The following ZNF385B variants were observed in gnomAD, a reference collection of about 807,000 sequenced individuals.
ZNF385B encodes zinc finger protein 533.
A neutral mutation model predicts 39.2 loss-of-function variants in ZNF385B; 23 were observed. The observed-to-expected ratio is 0.59, with a 90% CI of 0.42 to 0.83. The LOEUF is 0.83. ZNF385B is among the 40% of genes least tolerant of loss of function. The pLI is 0.00. For synonymous variants in ZNF385B, 205 were observed against 222.6 expected, an observed-to-expected ratio of 0.92 and a Z score of 0.70; for missense variants, 552 against 598.9, an observed-to-expected ratio of 0.92 and a Z score of 0.82.
At chr2:179,845,976 A>G (rs1708778906) in intron 1 of ZNF385B, among the ~76,000 whole-genome samples, 1 of 152,212 alleles carries the variant, frequency 6.6e-6, no homozygotes, top group Non-Finnish European at 1.5e-5. Flanking sequence ...GGGACGTTTC[A>G]GAGATTCTCT....
intron 3 of ZNF385B, among the ~76,000 whole-genome samples, chr2:179,735,036 C>G (rs886461363): frequency 1.3e-5 from 2 of 151,822 alleles, no homozygotes; most frequent in Admixed American, 6.6e-5. Context: ...CAAATGGGAT[C>G]TAATTAAACT....
intron 1 of ZNF385B, among the ~76,000 whole-genome samples, chr2:179,788,443 T>C (rs994529631): frequency 6.6e-6 from 1 of 152,070 alleles, no homozygotes; most frequent in Admixed American, 6.6e-5. Flanking sequence ...AAGAGTAACA[T>C]GAGAAGAAAA....
chr2:179,639,972 T>C (rs1180106371), intron 3 of ZNF385B, among the ~76,000 whole-genome samples: 1 of 152,220 alleles, frequency 6.6e-6, no homozygotes, highest in Non-Finnish European at 1.5e-5. Context: ...CCTGTGCAGA[T>C]AGCCTGCCAA....
At chr2:179,780,494 C>A (rs1364687209) in intron 1 of ZNF385B, among the ~76,000 whole-genome samples, 3 of 152,172 alleles carry the variant, frequency 2.0e-5, no homozygotes, top group African/African-American at 7.2e-5. Context: ...CACACTGCCT[C>A]TCTGCTTCCT....
chr2:179,780,323 A>G (rs962796219), intron 1 of ZNF385B, among the ~76,000 whole-genome samples: 3 of 152,138 alleles, frequency 2.0e-5, no homozygotes, highest in Non-Finnish European at 2.9e-5. Flanking sequence ...CAGATCATAG[A>G]TGCTTCCCTC....
chr2:179,838,961 G>C (rs1179411072), intron 1 of ZNF385B, among the ~76,000 whole-genome samples: 3 of 149,972 alleles, frequency 2.0e-5, no homozygotes, highest in Non-Finnish European at 4.4e-5. Flanking sequence ...CCTTGCAAAA[G>C]TGTGGTCCTT....
intron 2 of ZNF385B, 106 bp from the exon 3 acceptor site, chr2:179,769,908 G>T: frequency 9.1e-7 from 1 of 1,102,502 alleles, no homozygotes; most frequent in Non-Finnish European, 1.3e-6. Context: ...AAGTTGCCCA[G>T]CTACCCAGTG....
At chr2:179,761,730 C>G (rs1246788559) in intron 3 of ZNF385B, among the ~76,000 whole-genome samples, 1 of 149,968 alleles carries the variant, frequency 6.7e-6, no homozygotes, top group East Asian at 2.0e-4. Flanking sequence ...AGGTGTGCAC[C>G]ACCATGCCTG....
At chr2:179,472,669 A>G (rs1204841977) in intron 6 of ZNF385B, among the ~76,000 whole-genome samples, 2 of 152,228 alleles carry the variant, frequency 1.3e-5, no homozygotes, top group Admixed American at 6.5e-5. Flanking sequence ...CTGGAAGTCA[A>G]ATATACGGGC....
chr2:179,756,412 T>G (rs1466122613), intron 3 of ZNF385B, among the ~76,000 whole-genome samples: 1 of 152,194 alleles, frequency 6.6e-6, no homozygotes, highest in Non-Finnish European at 1.5e-5. Context: ...GCCCTTAACA[T>G]TTTTTCCTTC....
In ZNF385B at chr2:179,845,146, C is replaced by T. The variant is rs529975761; in HGVS notation, c.-155+15955G>A. 9.2e-5 allele frequency among the ~76,000 whole-genome samples: 14 copies of T among 152,238 alleles called. No homozygotes were observed. In the South Asian group the frequency reaches 2.9e-3, roughly 32 times the overall value. On this transcript the variant is annotated intron_variant, in intron 1 of 9. Coordinates refer to ENST00000410066, the MANE Select transcript of ZNF385B (RefSeq NM_152520.6). ...GCCTTAAGATGATCAGAAGAATAAA[C>T]TGAAGTCCATCATAGAATATTTTCT...
chr2:179,580,937 C>T (rs1455649137), intron 3 of ZNF385B, among the ~76,000 whole-genome samples: 1 of 152,106 alleles, frequency 6.6e-6, no homozygotes, highest in Non-Finnish European at 1.5e-5. Flanking sequence ...GGAGTTGTGG[C>T]CTATGGAATG....
intron 4 of ZNF385B, among the ~76,000 whole-genome samples, chr2:179,526,188 C>G (rs1412748420): frequency 1.3e-5 from 2 of 151,818 alleles, no homozygotes; most frequent in Non-Finnish European, 2.9e-5. Context: ...AGGTATGTGC[C>G]ACCATACCCA....
intron 3 of ZNF385B, among the ~76,000 whole-genome samples, chr2:179,765,740 T>C (rs554532842): frequency 1.3e-5 from 2 of 152,280 alleles, no homozygotes; most frequent in Admixed American, 6.5e-5. Context: ...AGGATCTTAC[T>C]GCCTTTGTGG....
chr2:179,741,364 A>T (rs1321028553), intron 3 of ZNF385B, among the ~76,000 whole-genome samples: 1 of 152,140 alleles, frequency 6.6e-6, no homozygotes, highest in Admixed American at 6.6e-5. Flanking sequence ...ACTGTTAAGG[A>T]TATTAACAAA....
chr2:179,676,479 C>A (rs920054901), intron 3 of ZNF385B, among the ~76,000 whole-genome samples: 1 of 152,210 alleles, frequency 6.6e-6, no homozygotes, highest in African/African-American at 2.4e-5. Context: ...CCACCTTGGC[C>A]TCCCAAAGTG....
intron 6 of ZNF385B, among the ~76,000 whole-genome samples, chr2:179,449,065 T>C (rs559016335): frequency 6.6e-6 from 1 of 152,252 alleles, no homozygotes; most frequent in South Asian, 2.1e-4. Flanking sequence ...CAAGTACATA[T>C]TAACAATATG....
At chr2:179,683,553 G>T (rs894617347) in intron 3 of ZNF385B, among the ~76,000 whole-genome samples, 10 of 150,612 alleles carry the variant, frequency 6.6e-5, no homozygotes, top group Non-Finnish European at 1.2e-4. Context: ...TCAGCTCACT[G>T]TAACATCTGC....
intron 3 of ZNF385B, among the ~76,000 whole-genome samples, chr2:179,768,637 G>A (rs1455633054): frequency 6.6e-6 from 1 of 152,146 alleles, no homozygotes; most frequent in African/African-American, 2.4e-5. Flanking sequence ...CCCCACATTT[G>A]GGAGGAGGCT....
Sources: allele counts gnomAD v4.1 joint callset (sites outside exome capture counted in the v4.1 genomes callset), GRCh38; gene constraint gnomAD v4.1.1; transcripts MANE v1.5; gene names NCBI Gene and HGNC (gene_info 2026-07-23, HGNC 2026-07-21).